The following HPRT1 variants were observed in gnomAD, a reference collection of about 807,000 sequenced individuals.
The protein encoded by HPRT1 is hypoxanthine phosphoribosyltransferase 1.
A neutral mutation model predicts 19.0 loss-of-function variants in HPRT1; 4 were observed. The ratio of observed to expected loss-of-function variants is 0.21; its 90% confidence interval spans 0.10 to 0.48. The LOEUF (loss-of-function observed/expected upper bound fraction) is 0.48, where lower values mean the gene tolerates loss of function less well. Ranked by LOEUF, HPRT1 falls within the 20% of genes least tolerant of loss-of-function variation. HPRT1 has a pLI of 0.98. For missense variants in HPRT1, 65 were observed against 164.0 expected, an observed-to-expected ratio of 0.40 and a Z score of 3.30; for synonymous variants, 53 against 54.9, an observed-to-expected ratio of 0.97 and a Z score of 0.15.
chrX:134,496,828 T>G (rs1048360685), intron 6 of HPRT1, among the ~76,000 whole-genome samples: 2 of 111,918 alleles, frequency 1.8e-5, no homozygotes, highest in African/African-American at 6.5e-5. Context: ...GTAGGTGAGT[T>G]CTGGTTTTTT....
At chrX:134,482,195 A>G (rs1212103840) in intron 3 of HPRT1, among the ~76,000 whole-genome samples, 1 of 111,128 alleles carries the variant, frequency 9.0e-6, no homozygotes, top group African/African-American at 3.3e-5. Context: ...CTGGGACTAC[A>G]GGCACATGCC....
intron 7 of HPRT1, 65 bp from the exon 8 acceptor site, chrX:134,498,543 T>C: frequency 1.0e-6 from 1 of 977,094 alleles, no homozygotes; most frequent in African/African-American, 1.9e-5. Context: ...AGAGGCACAT[T>C]TGCCAGTATT....
At chrX:134,492,333 T>G (rs1357846492) in intron 5 of HPRT1, among the ~76,000 whole-genome samples, 1 of 110,564 alleles carries the variant, frequency 9.0e-6, no homozygotes, top group African/African-American at 3.3e-5. Context: ...ATAATACAAC[T>G]AAAGCCCCAT....
chrX:134,486,819 A>T (rs1435827643), intron 4 of HPRT1, among the ~76,000 whole-genome samples: 1 of 83,911 alleles, frequency 1.2e-5, no homozygotes, highest in Non-Finnish European at 2.4e-5. Context: ...GATAGCCTTT[A>T]AAAAAAAAAA....
chrX:134,483,361 A>G (rs2077644796), intron 3 of HPRT1, among the ~76,000 whole-genome samples: 1 of 112,034 alleles, frequency 8.9e-6, no homozygotes, highest in Admixed American at 9.5e-5. Context: ...AGTAGGCATA[A>G]ACAAAGTTCT....
rs1569354904 is a variant in HPRT1 at position 134,473,282 on chromosome X, A to AT, written c.28-71dup. 15 of 659,950 alleles carry AT rather than the reference A, an allele frequency of 2.3e-5. 1 individual carries two copies. The highest frequency in any genetic ancestry group is 3.8e-5 in the Non-Finnish European group (15 of 399,386). The allele number at this position is 659,950 out of a possible 1,213,427, so 54.4% of individuals were successfully genotyped here. A position where few individuals can be genotyped will look rare whatever the true frequency, so the allele number is the denominator to read the frequency against. ...TAAATTTCTCTGATAGACTAAGGTT[A>AT]TTTTTTAACATCTTAATCCAATCAA... On this transcript the variant is annotated intron_variant, in intron 1 of 8. Coordinates refer to ENST00000298556, the MANE Select transcript of HPRT1 (RefSeq NM_000194.3).
intron 1 of HPRT1, among the ~76,000 whole-genome samples, chrX:134,461,842 T>A (rs1162354875): frequency 8.9e-6 from 1 of 112,099 alleles, no homozygotes; most frequent in African/African-American, 3.2e-5. Context: ...TCTCTCTCTC[T>A]CGAGTAATAC....
intron 1 of HPRT1, among the ~76,000 whole-genome samples, chrX:134,461,543 G>A (rs1415923750): frequency 8.9e-6 from 1 of 112,187 alleles, no homozygotes; most frequent in East Asian, 2.8e-4. Flanking sequence ...CTGGGCTTAA[G>A]TCATTTTATG....
chrX:134,487,806 A>G (rs751310995), intron 4 of HPRT1, among the ~76,000 whole-genome samples: 68 of 111,703 alleles, frequency 6.1e-4, no homozygotes, highest in Non-Finnish European at 7.1e-4. Context: ...TTCATATACC[A>G]CTGTTAGACC....
At chrX:134,472,892 GTTTT>G (rs2077614217) in intron 1 of HPRT1, among the ~76,000 whole-genome samples, 1 of 108,189 alleles carries the variant, frequency 9.2e-6, no homozygotes, top group Non-Finnish European at 1.9e-5. Flanking sequence ...TTGTTTGTTT[GTTTT>G]GTTTTTTTTG....
chrX:134,465,902 A>G (rs2124285078), intron 1 of HPRT1, among the ~76,000 whole-genome samples: 1 of 111,687 alleles, frequency 9.0e-6, no homozygotes, highest in East Asian at 2.8e-4. Flanking sequence ...GCCCTTCCCC[A>G]AAGCCATACA....
Position 134,477,999 on chromosome X carries a change from T to G in HPRT1, c.318+2635T>G, listed in dbSNP as rs762265576. On this transcript the variant is annotated intron_variant, in intron 3 of 8. Coordinates refer to ENST00000298556, the MANE Select transcript of HPRT1 (RefSeq NM_000194.3). ...CCTGAAGTAGCATTTCTACCCTGTTTAATAATTCAGCAGCTTGTCATGTAA... is the reference window on the plus strand; with the variant it reads ...CCTGAAGTAGCATTTCTACCCTGTTGAATAATTCAGCAGCTTGTCATGTAA... Among the ~76,000 whole-genome samples the G allele has an allele frequency of 2.3e-4, 26 of 112,332 alleles. No individual in the cohort carries two copies. In the South Asian group the frequency reaches 9.2e-3, roughly 40 times the overall value.
intron 3 of HPRT1, among the ~76,000 whole-genome samples, chrX:134,481,867 C>CA (rs772233211): frequency 9.0e-6 from 1 of 111,283 alleles, no homozygotes; most frequent in African/African-American, 3.3e-5. Context: ...ATTTCCTCAG[C>CA]AAATACATAT....
intron 3 of HPRT1, among the ~76,000 whole-genome samples, chrX:134,479,633 G>T (rs1205661941): frequency 2.8e-5 from 3 of 108,885 alleles, no homozygotes; most frequent in Non-Finnish European, 5.7e-5. Context: ...TTTTGAGACA[G>T]GATCTTGCTC....
At chrX:134,465,993 C>G (rs923356477) in intron 1 of HPRT1, among the ~76,000 whole-genome samples, 2 of 109,730 alleles carry the variant, frequency 1.8e-5, no homozygotes, top group East Asian at 2.9e-4. Context: ...CCTCCCACAC[C>G]CCCCCCATAC....
chrX:134,473,913 A>C (rs1042577886), intron 2 of HPRT1, among the ~76,000 whole-genome samples: 1 of 112,293 alleles, frequency 8.9e-6, no homozygotes, highest in Non-Finnish European at 1.9e-5. Flanking sequence ...TTATTTTAAA[A>C]TTATAATATC....
At chrX:134,494,725 G>T (rs59479053) in intron 6 of HPRT1, among the ~76,000 whole-genome samples, 101 of 111,550 alleles carry the variant, frequency 9.1e-4, no homozygotes, top group African/African-American at 3.1e-3. Flanking sequence ...TGCTCTTTAG[G>T]GTTTTAAATG....
intron 6 of HPRT1, among the ~76,000 whole-genome samples, chrX:134,496,466 T>G: frequency 8.9e-6 from 1 of 112,398 alleles, no homozygotes; most frequent in Non-Finnish European, 1.9e-5. Context: ...CATTCAGATC[T>G]CTAGGCATAT....
chrX:134,482,102 TG>T (rs2077642033), intron 3 of HPRT1, among the ~76,000 whole-genome samples: 1 of 111,981 alleles, frequency 8.9e-6, no homozygotes, highest in South Asian at 3.8e-4. Context: ...TCACCCAGGC[TG>T]GAGTGTAGTG....
Sources: gnomAD v4.1 joint callset for allele counts (sites outside exome capture counted in the v4.1 genomes callset) on GRCh38, gnomAD v4.1.1 for gene constraint, MANE v1.5 for transcripts, NCBI Gene and HGNC (gene_info 2026-07-23, HGNC 2026-07-21) for gene names.